KCNIP4: variants seen among roughly 807,000 people sequenced by gnomAD.
KCNIP4 encodes the protein Kv channel-interacting protein 4.
KCNIP4 carries 12 observed loss-of-function variants against 34.0 expected under a neutral mutation model. The observed-to-expected ratio is 0.35, with a 90% CI of 0.23 to 0.57. The LOEUF is 0.57. Ranked by LOEUF, KCNIP4 falls within the 20% of genes least tolerant of loss-of-function variation. The probability of loss-of-function intolerance (pLI) is 0.83; values close to 1 mark genes in which losing one functional copy is unlikely to be tolerated. For missense variants in KCNIP4, 238 were observed against 311.7 expected (o/e 0.76, Z 1.78); for synonymous variants, 124 against 102.2 (o/e 1.21, Z -1.29).
chr4:21,742,310 A>G lies in KCNIP4; in HGVS notation c.61+206261T>C, dbSNP rs183813318. On this transcript the variant is annotated intron_variant, in intron 1 of 8. Coordinates refer to ENST00000382152, the MANE Select transcript of KCNIP4 (RefSeq NM_025221.6). ...TCCTTTGCAGATGGATGTGTTAAAT[A>G]GTCTGGGCTTATTGTCCCTAAGTAT... Among the ~76,000 whole-genome samples, 1,329 of 152,256 alleles carry G rather than the reference A, an allele frequency of 8.7e-3. 19 individuals carry two copies. Among genetic ancestry groups the G allele is most frequent in the South Asian group, 0.039 (188 of 4,822 alleles).
intron 1 of KCNIP4, among the ~76,000 whole-genome samples, chr4:21,492,681 T>C (rs78780907): frequency 0.019 from 2,967 of 152,298 alleles, 95 homozygotes; most frequent in East Asian, 0.12. Flanking sequence ...CTGCTACCTT[T>C]AAAATTCTTT....
intron 1 of KCNIP4, among the ~76,000 whole-genome samples, chr4:21,719,625 C>T (rs1560662017): frequency 6.6e-6 from 1 of 152,084 alleles, no homozygotes; most frequent in Non-Finnish European, 1.5e-5. Flanking sequence ...ACCATCACCT[C>T]TCATCAGCAG....
At chr4:21,060,233 G>A (rs1444553579) in intron 1 of KCNIP4, among the ~76,000 whole-genome samples, 1 of 152,024 alleles carries the variant, frequency 6.6e-6, no homozygotes, top group Non-Finnish European at 1.5e-5. Flanking sequence ...CAACTGGTTT[G>A]CCCACAAAAT....
chr4:21,272,202 C>A (rs1762193239), intron 1 of KCNIP4, among the ~76,000 whole-genome samples: 1 of 152,006 alleles, frequency 6.6e-6, no homozygotes, highest in Non-Finnish European at 1.5e-5. Context: ...ATACATAATT[C>A]AGGATAATAG....
chr4:20,751,060 T>C (rs1435444602), intron 4 of KCNIP4, among the ~76,000 whole-genome samples: 1 of 152,192 alleles, frequency 6.6e-6, no homozygotes, highest in Non-Finnish European at 1.5e-5. Flanking sequence ...TTTTCCCGAA[T>C]GCTTCAGTGT....
intron 1 of KCNIP4, among the ~76,000 whole-genome samples, chr4:21,253,389 A>T (rs528945813): frequency 6.6e-6 from 1 of 152,320 alleles, no homozygotes; most frequent in African/African-American, 2.4e-5. Flanking sequence ...AAATTTCAGT[A>T]GGTTATTGAT....
intron 1 of KCNIP4, among the ~76,000 whole-genome samples, chr4:21,412,439 G>A (rs936947643): frequency 1.3e-5 from 2 of 152,138 alleles, no homozygotes; most frequent in African/African-American, 4.8e-5. Context: ...AAGAGTTGGT[G>A]ACACATGGCT....
chr4:20,869,606 TG>T (rs1215469800), intron 2 of KCNIP4, among the ~76,000 whole-genome samples: 1 of 152,124 alleles, frequency 6.6e-6, no homozygotes, highest in Non-Finnish European at 1.5e-5. Context: ...TTCCCACCTC[TG>T]GCTGGACAAT....
intron 1 of KCNIP4, among the ~76,000 whole-genome samples, chr4:21,234,075 A>AACATATAACGTATATTATATATAAC (rs1759043885): frequency 1.2e-5 from 1 of 80,128 alleles, no homozygotes; most frequent in Non-Finnish European, 1.9e-5. Context: ...AACATAACAT[A>AACATATAACGTATATTATATATAAC]ACATATAACG....
rs543439764 is a variant in KCNIP4, at chr4:20,938,077, T to C, written c.62-55368A>G. 3.9e-5 allele frequency among the ~76,000 whole-genome samples: 6 copies of C among 152,300 alleles called. No homozygotes were observed. The East Asian group carries it at 9.6e-4, about 24-fold the overall frequency. ...AAACATGAACAGGGTTTCTCATAAA[T>C]ATACATCTTTAAGTTTCAAAGAGAC... On this transcript the variant is annotated intron_variant, in intron 1 of 8. Transcript: ENST00000382152.
At chr4:21,571,556 T>C (rs1350675034) in intron 1 of KCNIP4, among the ~76,000 whole-genome samples, 1 of 152,132 alleles carries the variant, frequency 6.6e-6, no homozygotes, top group Non-Finnish European at 1.5e-5. Context: ...CTTGCCAAGG[T>C]ATTATGCAAG....
intron 1 of KCNIP4, among the ~76,000 whole-genome samples, chr4:20,895,511 A>G (rs1726415856): frequency 6.6e-6 from 1 of 152,232 alleles, no homozygotes; most frequent in Non-Finnish European, 1.5e-5. Context: ...CAAATGCCAG[A>G]AGAAATAACA....
rs542388852 is a variant in KCNIP4, at chr4:20,958,789, T to C, written c.62-76080A>G. Among the ~76,000 whole-genome samples the C allele has an allele frequency of 3.3e-5, 5 of 152,352 alleles. 1 individual carries two copies. In the South Asian group the frequency reaches 1.0e-3, roughly 32 times the overall value. ...TATCTGTAGCTGACAAGAAGCTTTG[T>C]ATCTCTGACATCAAACAGTGCCTGG... On this transcript the variant is annotated intron_variant, in intron 1 of 8. Transcript: ENST00000382152.
intron 3 of KCNIP4, among the ~76,000 whole-genome samples, chr4:20,815,404 G>A (rs936344759): frequency 6.6e-6 from 1 of 152,048 alleles, no homozygotes; most frequent in South Asian, 2.1e-4. Flanking sequence ...CAAGCCTATC[G>A]TGTCCCATGT....
At chr4:21,441,487 G>C (rs1033500108) in intron 1 of KCNIP4, among the ~76,000 whole-genome samples, 1 of 152,016 alleles carries the variant, frequency 6.6e-6, no homozygotes. Flanking sequence ...TCACTCACAA[G>C]AGTCCTAATT....
chr4:21,272,318 T>C (rs936698361), intron 1 of KCNIP4, among the ~76,000 whole-genome samples: 2 of 144,154 alleles, frequency 1.4e-5, no homozygotes, highest in African/African-American at 2.4e-5. Context: ...GAGTTGGCTA[T>C]TATTATTTAT....
chr4:21,796,827 T>C (rs538389087), intron 1 of KCNIP4, among the ~76,000 whole-genome samples: 15 of 152,356 alleles, frequency 9.8e-5, no homozygotes, highest in Non-Finnish European at 1.8e-4. Flanking sequence ...CAAGATTACA[T>C]GTTCCGGAAA....
intron 1 of KCNIP4, among the ~76,000 whole-genome samples, chr4:21,387,679 A>G (rs1010917034): frequency 1.3e-5 from 2 of 152,138 alleles, no homozygotes; most frequent in Non-Finnish European, 2.9e-5. Flanking sequence ...TGGGACTATA[A>G]GGTTTTGTGG....
At chr4:21,572,901 A>G (rs1423222590) in intron 1 of KCNIP4, among the ~76,000 whole-genome samples, 1 of 152,184 alleles carries the variant, frequency 6.6e-6, no homozygotes, top group Non-Finnish European at 1.5e-5. Flanking sequence ...TGCTGGGATT[A>G]TAGGCGTGAG....
Sources: allele counts gnomAD v4.1 joint callset (sites outside exome capture counted in the v4.1 genomes callset), GRCh38; gene constraint gnomAD v4.1.1; transcripts MANE v1.5; gene names NCBI Gene and HGNC (gene_info 2026-07-23, HGNC 2026-07-21).